PCDH7: variants seen among roughly 807,000 people sequenced by gnomAD.
PCDH7 encodes the protein protocadherin 7.
Under a neutral mutation model 58.9 loss-of-function variants are expected in PCDH7, and 17 were observed. That is an observed-to-expected ratio of 0.29 (90% CI 0.20 to 0.43). The LOEUF is 0.43. Among genes scored for constraint, PCDH7 ranks in the 20% least tolerant of loss-of-function variants. The pLI, the probability that PCDH7 is intolerant of heterozygous loss-of-function variation, is 1.00. For missense variants in PCDH7, 1,274 were observed against 1,441.0 expected, an observed-to-expected ratio of 0.88 and a Z score of 1.88; for synonymous variants, 664 against 616.4, an observed-to-expected ratio of 1.08 and a Z score of -1.14.
intron 1 of PCDH7, among the ~76,000 whole-genome samples, chr4:30,754,897 G>T (rs1719073524): frequency 6.6e-6 from 1 of 152,180 alleles, no homozygotes; most frequent in Admixed American, 6.5e-5. Flanking sequence ...GCTTAAGGAA[G>T]TCCACATTGA....
chr4:30,773,070 A>C (rs1351560502), intron 1 of PCDH7, among the ~76,000 whole-genome samples: 2 of 152,068 alleles, frequency 1.3e-5, no homozygotes, highest in Admixed American at 6.6e-5. Context: ...CAACCAGCTA[A>C]TTTTTGAATG....
chr4:31,018,743 T>C (rs1229707875), intron 3 of PCDH7, among the ~76,000 whole-genome samples: 2 of 152,234 alleles, frequency 1.3e-5, no homozygotes, highest in African/African-American at 4.8e-5. Context: ...TTTGCTTATG[T>C]ATTTGTTTTT....
intron 3 of PCDH7, among the ~76,000 whole-genome samples, chr4:31,066,836 A>G (rs568264002): frequency 4.6e-5 from 7 of 151,904 alleles, no homozygotes; most frequent in Non-Finnish European, 1.0e-4. Context: ...AGTAGACAAA[A>G]AAGGGGTGCA....
chr4:30,882,820 A>G (rs1314833820), intron 1 of PCDH7, among the ~76,000 whole-genome samples: 1 of 152,204 alleles, frequency 6.6e-6, no homozygotes, highest in East Asian at 1.9e-4. Flanking sequence ...TTAGTAGTAT[A>G]TGCTTCTTAT....
chr4:30,841,914 T>C (rs528318753), intron 1 of PCDH7, among the ~76,000 whole-genome samples: 2 of 152,218 alleles, frequency 1.3e-5, no homozygotes, highest in African/African-American at 4.8e-5. Flanking sequence ...CTCTGGTTTA[T>C]ACATTTAAGA....
intron 3 of PCDH7, among the ~76,000 whole-genome samples, chr4:31,070,504 C>T (rs923362198): frequency 6.6e-6 from 1 of 152,042 alleles, no homozygotes; most frequent in Non-Finnish European, 1.5e-5. Flanking sequence ...TTCTCAAGGA[C>T]ATTGGCTAAT....
intron 3 of PCDH7, among the ~76,000 whole-genome samples, chr4:30,964,531 G>A (rs142362220): frequency 1.3e-5 from 2 of 151,710 alleles, no homozygotes; most frequent in Non-Finnish European, 1.5e-5. Flanking sequence ...GTGAGCCACC[G>A]CACCCGGCCC....
chr4:31,040,828 A>C (rs1755805599), intron 3 of PCDH7, among the ~76,000 whole-genome samples: 1 of 152,174 alleles, frequency 6.6e-6, no homozygotes, highest in Admixed American at 6.5e-5. Context: ...ACTAAAAATC[A>C]AATTAAGAAA....
chr4:31,030,591 AC>A (rs1244447108), intron 3 of PCDH7, among the ~76,000 whole-genome samples: 1 of 151,832 alleles, frequency 6.6e-6, no homozygotes, highest in Non-Finnish European at 1.5e-5. Context: ...TAAGAAAAAA[AC>A]AAGTAGAAAA....
chr4:30,892,384 A>C (rs11947417), intron 1 of PCDH7, among the ~76,000 whole-genome samples: 26,250 of 151,936 alleles, frequency 0.17, 2,343 homozygotes, highest in African/African-American at 0.21. Flanking sequence ...CTCTAAACTG[A>C]ATATTGGTGT....
chr4:31,128,854 A>G (rs939537968), intron 3 of PCDH7, among the ~76,000 whole-genome samples: 2 of 152,178 alleles, frequency 1.3e-5, no homozygotes, highest in Admixed American at 6.5e-5. Flanking sequence ...TCAACTAAAA[A>G]GGTTATAGGA....
chr4:31,061,005 C>G (rs994027153), intron 3 of PCDH7, among the ~76,000 whole-genome samples: 1 of 151,600 alleles, frequency 6.6e-6, no homozygotes, highest in Non-Finnish European at 1.5e-5. Context: ...AGAGACTCTT[C>G]GTTTCTGTCA....
At chr4:31,052,699 G>T (rs865861345) in intron 3 of PCDH7, among the ~76,000 whole-genome samples, 1 of 152,102 alleles carries the variant, frequency 6.6e-6, no homozygotes, top group African/African-American at 2.4e-5. Flanking sequence ...AAGGAGCTTT[G>T]TTTCTGACAC....
rs566436343 is a variant in PCDH7 at position 30,896,028 on chromosome 4, A to G, written c.71-24125A>G. ...AGTTCCATCCAATCTTATAAGCAGG[A>G]ATAATTTTGACTACATAAACCCTGA... On this transcript the variant is annotated intron_variant, in intron 1 of 3. Transcript: ENST00000509759. 3.1e-4 allele frequency among the ~76,000 whole-genome samples: 47 copies of G among 152,258 alleles called. No individual in the cohort carries two copies. In the Middle Eastern group the frequency reaches 0.01, roughly 33 times the overall value.
At chr4:30,802,037 G>A (rs1177463489) in intron 1 of PCDH7, among the ~76,000 whole-genome samples, 1 of 152,156 alleles carries the variant, frequency 6.6e-6, no homozygotes, top group African/African-American at 2.4e-5. Context: ...AAAGCAGGGT[G>A]TCCTTATCAA....
intron 3 of PCDH7, among the ~76,000 whole-genome samples, chr4:30,969,710 T>G (rs1471558382): frequency 6.6e-6 from 1 of 152,152 alleles, no homozygotes; most frequent in Non-Finnish European, 1.5e-5. Context: ...TAAAATTTGA[T>G]CTAAACATAT....
chr4:30,982,048 A>G (rs1470090939), intron 3 of PCDH7, among the ~76,000 whole-genome samples: 4 of 152,196 alleles, frequency 2.6e-5, no homozygotes, highest in African/African-American at 9.7e-5. Flanking sequence ...AATCACCAAG[A>G]AAGTAGATTT....
intron 3 of PCDH7, among the ~76,000 whole-genome samples, chr4:31,050,889 AG>A (rs919274995): frequency 6.6e-6 from 1 of 152,144 alleles, no homozygotes; most frequent in Non-Finnish European, 1.5e-5. Context: ...ATATATTTCC[AG>A]GGGTCACTTC....
At chr4:30,903,301 A>G (rs961977585) in intron 1 of PCDH7, among the ~76,000 whole-genome samples, 1 of 152,174 alleles carries the variant, frequency 6.6e-6, no homozygotes, top group Non-Finnish European at 1.5e-5. Context: ...GACAATAGCT[A>G]CAGAGATGGT....
Sources: allele counts gnomAD v4.1 joint callset (sites outside exome capture counted in the v4.1 genomes callset), GRCh38; gene constraint gnomAD v4.1.1; transcripts MANE v1.5; gene names NCBI Gene and HGNC (gene_info 2026-07-23, HGNC 2026-07-21).